SOX5: variants seen among roughly 807,000 people sequenced by gnomAD.
The protein encoded by SOX5 is SRY-box transcription factor 5.
In SOX5, 9 loss-of-function variants were observed where a neutral mutation model predicts 92.0. The observed-to-expected ratio is 0.10, with a 90% CI of 0.06 to 0.17. The LOEUF (loss-of-function observed/expected upper bound fraction) is 0.17. SOX5 is among the 10% of genes least tolerant of loss of function. The pLI, the probability that SOX5 is intolerant of heterozygous loss-of-function variation, is 1.00. For synonymous variants in SOX5, 344 were observed against 336.3 expected, an observed-to-expected ratio of 1.02 and a Z score of -0.25; for missense variants, 642 against 944.5, an observed-to-expected ratio of 0.68 and a Z score of 4.20.
intron 3 of SOX5, among the ~76,000 whole-genome samples, chr12:24,256,999 T>A (rs1174057138): frequency 2.0e-5 from 3 of 152,176 alleles, no homozygotes; most frequent in East Asian, 1.9e-4. Flanking sequence ...GAGAAAACCA[T>A]CAGGAATACA....
chr12:23,928,760 A>G (rs1053972365), intron 1 of SOX5, among the ~76,000 whole-genome samples: 5 of 151,930 alleles, frequency 3.3e-5, no homozygotes, highest in Middle Eastern at 6.9e-3. Flanking sequence ...TATAATTTTG[A>G]CAATTATCTT....
intron 9 of SOX5, among the ~76,000 whole-genome samples, chr12:23,600,281 A>G (rs1325602657): frequency 1.3e-5 from 2 of 152,058 alleles, no homozygotes; most frequent in African/African-American, 4.8e-5. Context: ...AGCTGTTAGG[A>G]CACACAAGAG....
intron 3 of SOX5, among the ~76,000 whole-genome samples, chr12:24,273,861 G>T (rs769448850): frequency 6.6e-6 from 1 of 152,200 alleles, no homozygotes; most frequent in East Asian, 1.9e-4. Flanking sequence ...TTCTGTAATT[G>T]TTATATGTAG....
At chr12:24,245,359 A>C (rs146913722) in intron 3 of SOX5, among the ~76,000 whole-genome samples, 3,888 of 35,256 alleles carry the variant, frequency 0.11, 77 homozygotes, top group Admixed American at 0.16. Flanking sequence ...TGAATGAGTT[A>C]ATAAATTAAT....
chr12:23,827,568 C>G (rs183997097), intron 3 of SOX5, among the ~76,000 whole-genome samples: 28 of 152,286 alleles, frequency 1.8e-4, no homozygotes, highest in Admixed American at 1.7e-3. Flanking sequence ...CCACACTGAA[C>G]AGTCTGCATT....
At chr12:23,847,187 T>C (rs760017345) in intron 2 of SOX5, among the ~76,000 whole-genome samples, 94 of 152,084 alleles carry the variant, frequency 6.2e-4, no homozygotes, top group Admixed American at 1.1e-3. Flanking sequence ...CTTACTTCCA[T>C]AATCCTTTAC....
chr12:23,589,300 T>A (rs188074552), intron 9 of SOX5, among the ~76,000 whole-genome samples: 2 of 151,984 alleles, frequency 1.3e-5, no homozygotes, highest in African/African-American at 4.8e-5. Context: ...ATAACAAAAC[T>A]GGACAATATT....
chr12:24,054,290 C>A (rs751319511), intron 4 of SOX5, among the ~76,000 whole-genome samples: 4 of 152,204 alleles, frequency 2.6e-5, no homozygotes, highest in African/African-American at 4.8e-5. Flanking sequence ...CCCAGGGTTA[C>A]TGCCAAAGAA....
intron 4 of SOX5, among the ~76,000 whole-genome samples, chr12:24,172,072 TG>T (rs1954250851): frequency 7.3e-6 from 1 of 137,858 alleles, no homozygotes; most frequent in African/African-American, 2.6e-5. Flanking sequence ...TGGAGAACTG[TG>T]TGTGCGTGTG....
intron 2 of SOX5, among the ~76,000 whole-genome samples, chr12:23,876,612 T>C (rs527799183): frequency 6.6e-6 from 1 of 152,056 alleles, no homozygotes; most frequent in Non-Finnish European, 1.5e-5. Context: ...ATTTGATCCA[T>C]TTGATCCAGC....
chr12:23,917,493 C>T (rs2097429479), intron 1 of SOX5, among the ~76,000 whole-genome samples: 1 of 152,078 alleles, frequency 6.6e-6, no homozygotes, highest in Admixed American at 6.6e-5. Context: ...GCAGAGGTTG[C>T]AGCAAGCTAA....
intron 3 of SOX5, among the ~76,000 whole-genome samples, chr12:24,229,178 T>C (rs1383310228): frequency 6.6e-6 from 1 of 152,148 alleles, no homozygotes; most frequent in African/African-American, 2.4e-5. Flanking sequence ...ACCGCCGAGT[T>C]TGTGTGGAAG....
At chr12:24,423,479 T>A (rs1213266030) in intron 1 of SOX5, among the ~76,000 whole-genome samples, 1 of 152,116 alleles carries the variant, frequency 6.6e-6, no homozygotes, top group Non-Finnish European at 1.5e-5. Context: ...CAAAGACGGG[T>A]TTTCATGCTT....
chr12:24,274,303 G>A (rs1269901267), intron 3 of SOX5, among the ~76,000 whole-genome samples: 1 of 151,964 alleles, frequency 6.6e-6, no homozygotes, highest in African/African-American at 2.4e-5. Context: ...GTTATTAGGG[G>A]CATTGAGATT....
chr12:24,013,893 T>C (rs761255805), intron 4 of SOX5, among the ~76,000 whole-genome samples: 4 of 152,170 alleles, frequency 2.6e-5, no homozygotes, highest in South Asian at 2.1e-4. Flanking sequence ...CCAAAGGGTA[T>C]TGTGGAAATA....
chr12:23,893,401 G>A (rs918966831), intron 2 of SOX5, among the ~76,000 whole-genome samples: 4 of 151,858 alleles, frequency 2.6e-5, no homozygotes, highest in East Asian at 1.9e-4. Context: ...AGCTGAGATC[G>A]CGCCACTGCT....
At chr12:24,073,959 A>T (rs1190276961) in intron 4 of SOX5, among the ~76,000 whole-genome samples, 2 of 152,148 alleles carry the variant, frequency 1.3e-5, no homozygotes, top group Non-Finnish European at 2.9e-5. Flanking sequence ...AAAAGGTGAG[A>T]CTTCTATCAG....
chr12:24,429,479 A>T, intron 1 of SOX5, among the ~76,000 whole-genome samples: 1 of 152,114 alleles, frequency 6.6e-6, no homozygotes, highest in Non-Finnish European at 1.5e-5. Context: ...AAATTAATCG[A>T]TTTCAACATT....
intron 8 of SOX5, among the ~76,000 whole-genome samples, chr12:23,635,464 A>T (rs1473238898): frequency 6.6e-6 from 1 of 152,144 alleles, no homozygotes; most frequent in East Asian, 1.9e-4. Context: ...TGGGAACTGA[A>T]CAATGAGAAC....
Sources: allele counts gnomAD v4.1 joint callset (sites outside exome capture counted in the v4.1 genomes callset), GRCh38; gene constraint gnomAD v4.1.1; transcripts MANE v1.5; gene names NCBI Gene and HGNC (gene_info 2026-07-23, HGNC 2026-07-21).